KIF7: variants seen among roughly 807,000 people sequenced by gnomAD.
KIF7 encodes the protein kinesin family member 7.
A neutral mutation model predicts 135.7 loss-of-function variants in KIF7; 104 were observed. That is an observed-to-expected ratio of 0.77 (90% CI 0.65 to 0.90). The LOEUF is 0.90. Among genes scored for constraint, KIF7 ranks in the 40% least tolerant of loss-of-function variants. The pLI, the probability that KIF7 is intolerant of heterozygous loss-of-function variation, is 0.00. For missense variants in KIF7, 2,005 were observed against 1,839.1 expected (o/e 1.09, Z -1.65); for synonymous variants, 883 against 809.4 (o/e 1.09, Z -1.54).
chr15:89,640,076 G>T (rs1363113838), intron 11 of KIF7, among the ~76,000 whole-genome samples: 1 of 151,902 alleles, frequency 6.6e-6, no homozygotes, highest in Non-Finnish European at 1.5e-5. Context: ...CTCACTCACA[G>T]GTGGGGGTGG....
intron 10 of KIF7, among the ~76,000 whole-genome samples, chr15:89,644,410 C>T (rs1346610281): frequency 6.6e-6 from 1 of 152,166 alleles, no homozygotes; most frequent in East Asian, 1.9e-4. Flanking sequence ...CATGGTGGCT[C>T]ACGCCTGTAA....
At chr15:89,646,468 T>A (rs968975023) in intron 7 of KIF7, among the ~76,000 whole-genome samples, 6 of 152,114 alleles carry the variant, frequency 3.9e-5, no homozygotes, top group African/African-American at 1.4e-4. Context: ...AAAAGTGAAC[T>A]TGCAAAGAGA....
intron 7 of KIF7, 91 bp downstream of exon 7, chr15:89,646,739 G>A: frequency 2.6e-6 from 3 of 1,133,512 alleles, no homozygotes; most frequent in Non-Finnish European, 4.0e-6. Flanking sequence ...AAGCATGAGT[G>A]GGGGACACGT....
In KIF7 at chr15:89,642,378, T is replaced by A; in HGVS notation, c.2219A>T (p.Gln740Leu). Residue 740 changes from glutamine (Q) to leucine (L), a missense_variant, in exon 11 of 19, where the codon CAG becomes CTG. Coordinates refer to ENST00000394412, the MANE Select transcript of KIF7 (RefSeq NM_198525.3). The part of the protein sequence containing the change: ...TGKAAQALNR[Q>L]HSQRIRELEQ... Reference sequence around the variant, plus strand: ...CAGCTCCCGGATACGCTGGCTGTGCTGGCGGTTCAGGGCCTGAGCTGCCTT... The same window carrying A: ...CAGCTCCCGGATACGCTGGCTGTGCAGGCGGTTCAGGGCCTGAGCTGCCTT... The A allele has an allele frequency of 1.2e-6, 2 of 1,606,618 alleles. No individual in the cohort carries two copies. Among genetic ancestry groups the A allele is most frequent in the Non-Finnish European group, 1.7e-6 (2 of 1,177,308 alleles).
the KIF7 span, among the ~76,000 whole-genome samples, chr15:89,661,368 G>A: frequency 6.6e-6 from 1 of 152,178 alleles, no homozygotes; most frequent in Non-Finnish European, 1.5e-5. Flanking sequence ...ATATTGTATT[G>A]GGGTGTATAT....
chr15:89,653,106 T>C (rs1291702313), intron 1 of KIF7, among the ~76,000 whole-genome samples, 152 bp from the exon 2 acceptor site: 1 of 152,180 alleles, frequency 6.6e-6, no homozygotes, highest in Non-Finnish European at 1.5e-5. Context: ...ATGTCCAACC[T>C]GGTGCTCAAA....
At chr15:89,644,681 C>A (rs1260951840) in intron 10 of KIF7, among the ~76,000 whole-genome samples, 1 of 151,906 alleles carries the variant, frequency 6.6e-6, no homozygotes. Flanking sequence ...GAAACTCTTT[C>A]TCAAAAAAAG....
At chr15:89,619,147 T>C (rs1963382117) in intron 1 of KIF7, among the ~76,000 whole-genome samples, 1 of 152,188 alleles carries the variant, frequency 6.6e-6, no homozygotes, top group Non-Finnish European at 1.5e-5. Context: ...ACTGCTATTA[T>C]TTCTATATAA....
At position 89,638,808 on chromosome 15, in the gene KIF7, T is replaced by C. The variant is rs577683684; in HGVS notation, c.2394+3395A>G. On this transcript the variant is annotated intron_variant, in intron 11 of 18. Transcript: ENST00000394412. The stretch of plus-strand genomic sequence containing the variant: ...GGAAAAAACTACTTTAAAGTTCATA[T>C]AGAACCAAAAAAGAGCCTGCATCAC... Among the ~76,000 whole-genome samples the C allele has an allele frequency of 2.0e-5, 3 of 152,152 alleles. No individual in the cohort carries two copies. The East Asian group carries it at 5.8e-4, about 29-fold the overall frequency.
chr15:89,623,716 G>A (rs919160244), downstream of KIF7: 4 of 1,614,076 alleles, frequency 2.5e-6, no homozygotes, highest in Non-Finnish European at 2.5e-6. Context: ...GTATACTCCA[G>A]AAAGGCTGCA....
upstream of KIF7, among the ~76,000 whole-genome samples, chr15:89,656,232 A>G (rs555376793): frequency 6.6e-6 from 1 of 152,252 alleles, no homozygotes; most frequent in East Asian, 1.9e-4. Flanking sequence ...AACAGAAACC[A>G]CAATTTGAAG....
chr15:89,629,327 G>T, intron 17 of KIF7, 48 bp downstream of exon 17: 2 of 1,278,098 alleles, frequency 1.6e-6, no homozygotes, highest in Non-Finnish European at 2.1e-6. Context: ...ATGGGGGTGG[G>T]GGGGATGGAG....
Position 89,642,309 on chromosome 15 carries a change from T to C in KIF7, c.2288A>G (p.Gln763Arg). The C allele has an allele frequency of 6.2e-7, 1 of 1,611,124 alleles. No homozygotes were observed. The highest frequency in any genetic ancestry group is 8.5e-7 in the Non-Finnish European group (1 of 1,179,526). Residue 763 changes from glutamine to arginine, a missense_variant, in exon 11 of 19, where the codon CAG (glutamine) becomes CGG (arginine). By Grantham distance (43) the Gln-to-Arg change is conservative. Transcript: ENST00000394412. Reference sequence around the variant, plus strand: ...GCCCTCGAGCTCCCGCAGCTGCCTCTGGCCTTCACTCAGCTCGGCCCGCAC... The same window carrying C: ...GCCCTCGAGCTCCCGCAGCTGCCTCCGGCCTTCACTCAGCTCGGCCCGCAC... Reference protein sequence around the residue: ...EQVRAELSEGQRQLRELEGKE... With the variant: ...EQVRAELSEGRRQLRELEGKE...
intron 7 of KIF7, 149 bp from the exon 8 acceptor site, chr15:89,646,175 A>C: frequency 5.1e-5 from 53 of 1,036,640 alleles, no homozygotes; most frequent in Non-Finnish European, 7.4e-5. Flanking sequence ...TCTGAATCTC[A>C]AGCTGGGGTG....
At chr15:89,657,102 G>A (rs1466253338), upstream of KIF7, among the ~76,000 whole-genome samples, 1 of 152,150 alleles carries the variant, frequency 6.6e-6, no homozygotes, top group East Asian at 1.9e-4. Context: ...CAGCCCAGGA[G>A]TTTGAGACCA....
downstream of KIF7, chr15:89,627,492 C>T (rs148052073): frequency 2.7e-3 from 527 of 196,878 alleles, 1 homozygote; most frequent in Non-Finnish European, 4.0e-3. Flanking sequence ...ACACAGGCAG[C>T]GCTTTGTAAA....
At chr15:89,633,575 T>C (rs1168095582) in intron 12 of KIF7, 111 bp downstream of exon 12, 2 of 1,189,208 alleles carry the variant, frequency 1.7e-6, no homozygotes, top group Non-Finnish European at 2.4e-6. Context: ...TGACCTGCTT[T>C]CTAAGGTCAC....
Position 89,629,045 on chromosome 15 carries a change from G to T in KIF7, c.3595C>A (p.Arg1199Ser). The change falls in exon 18 of 19, where the codon CGT becomes AGT. Residue 1199 changes from arginine to serine, a missense_variant. Coordinates refer to ENST00000394412, the MANE Select transcript of KIF7 (RefSeq NM_198525.3). ...RIQALEKELG[R>S]YMWINQELKQ... ...AGTTCCTGGTTTATCCACATGTAAC[G>T]GCCCAGTTCCTTCTCCAGAGCTTGA... is the stretch of plus-strand genomic sequence containing the variant. The T allele has an allele frequency of 6.2e-7, 1 of 1,613,490 alleles. No individual in the cohort carries two copies. The highest frequency in any genetic ancestry group is 8.5e-7 in the Non-Finnish European group (1 of 1,179,922).
rs759424882 is a variant in KIF7, at chr15:89,642,243, T to A, written c.2354A>T (p.Glu785Val). The change falls in exon 11 of 19, where the codon GAG becomes GTG. Residue 785 changes from glutamate to valine, a missense_variant. By Grantham distance (121) the Glu-to-Val change is moderately radical. Transcript: ENST00000394412. ...GGCCGCAGCGACCCTCCTGCGGAAC[T>A]CCTGGAGCCGAGACCGCTCGCCAGC... ...QDAGERSRLQ[E>V]FRRRVAAAQS... The A allele has an allele frequency of 1.9e-5, 31 of 1,610,464 alleles. No individual in the cohort carries two copies. The highest frequency in any genetic ancestry group is 2.5e-5 in the Non-Finnish European group (29 of 1,179,698).
Sources: allele counts gnomAD v4.1 joint callset (sites outside exome capture counted in the v4.1 genomes callset), GRCh38; gene constraint gnomAD v4.1.1; transcripts MANE v1.5; gene names NCBI Gene and HGNC (gene_info 2026-07-23, HGNC 2026-07-21).